Variants in THSD4 observed in about 807,000 individuals in gnomAD.
THSD4 encodes thrombospondin type 1 domain containing 4, also known as thrombospondin type-1 domain-containing protein 4.
Under a neutral mutation model 119.0 loss-of-function variants are expected in THSD4, and 69 were observed. The ratio of observed to expected loss-of-function variants is 0.58; its 90% CI spans 0.48 to 0.71. The LOEUF is 0.71. THSD4 is among the 30% of genes least tolerant of loss of function. The pLI is 0.00. For synonymous variants in THSD4, 524 were observed against 540.4 expected (o/e 0.97, Z 0.42); for missense variants, 1,393 against 1,391.1 (o/e 1.00, Z -0.02).
intron 7 of THSD4, among the ~76,000 whole-genome samples, chr15:71,499,428 T>C (rs996298467): frequency 2.0e-5 from 3 of 151,868 alleles, no homozygotes; most frequent in African/African-American, 4.8e-5. Flanking sequence ...CATACACTTA[T>C]CTTCTAAGCA....
chr15:71,591,005 C>CAAAAAAAAAAAAAAAAA (rs67271025), intron 7 of THSD4, among the ~76,000 whole-genome samples: 8 of 57,508 alleles, frequency 1.4e-4, no homozygotes, highest in South Asian at 8.7e-4. Flanking sequence ...GACTCCATCT[C>CAAAAAAAAAAAAAAAAA]AAAAAAAAAA....
chr15:71,442,579 A>AAAAAT (rs1195413080), intron 7 of THSD4, among the ~76,000 whole-genome samples: 424 of 39,824 alleles, frequency 0.011, 43 homozygotes, highest in South Asian at 0.039. Flanking sequence ...AAAAAAAAAA[A>AAAAAT]ATATATATAT....
At chr15:71,633,082 A>C (rs921119402) in intron 7 of THSD4, among the ~76,000 whole-genome samples, 12 of 152,266 alleles carry the variant, frequency 7.9e-5, no homozygotes, top group African/African-American at 2.9e-4. Flanking sequence ...AAAGGAAGGC[A>C]TTTAGGCAAG....
At chr15:71,522,049 C>T (rs2048449406) in intron 7 of THSD4, among the ~76,000 whole-genome samples, 1 of 152,092 alleles carries the variant, frequency 6.6e-6, no homozygotes, top group Admixed American at 6.6e-5. Flanking sequence ...ATCATCAGTT[C>T]ACTGTTACAA....
chr15:71,599,984 A>G (rs1332871761), intron 7 of THSD4, among the ~76,000 whole-genome samples: 3 of 152,218 alleles, frequency 2.0e-5, no homozygotes, highest in African/African-American at 7.2e-5. Context: ...TAAAACATCC[A>G]GGCGTGGTTA....
At chr15:71,376,644 G>A (rs1454965697) in intron 6 of THSD4, among the ~76,000 whole-genome samples, 1 of 152,144 alleles carries the variant, frequency 6.6e-6, no homozygotes, top group Non-Finnish European at 1.5e-5. Flanking sequence ...GCCAACTTAT[G>A]TTCACAGACT....
At chr15:71,268,169 A>G (rs1031869439) in intron 6 of THSD4, among the ~76,000 whole-genome samples, 3 of 152,186 alleles carry the variant, frequency 2.0e-5, no homozygotes, top group African/African-American at 2.4e-5. Flanking sequence ...TCTTCTCAGC[A>G]CCACATCGGA....
intron 6 of THSD4, among the ~76,000 whole-genome samples, chr15:71,319,853 A>G (rs1341348277): frequency 6.6e-6 from 1 of 152,212 alleles, no homozygotes; most frequent in Non-Finnish European, 1.5e-5. Flanking sequence ...TATTTGGCCA[A>G]CAAGTGTTAC....
intron 3 of THSD4, among the ~76,000 whole-genome samples, chr15:71,189,957 G>T (rs541394607): frequency 6.6e-6 from 1 of 152,128 alleles, no homozygotes; most frequent in Non-Finnish European, 1.5e-5. Context: ...TCCCGCCCAC[G>T]CACTGCTGGG....
At position 71,599,118 on chromosome 15, in the gene THSD4, T is replaced by A. The variant is rs954359948; in HGVS notation, c.1153-61412T>A. 2.6e-5 allele frequency among the ~76,000 whole-genome samples: 4 copies of A among 152,336 alleles called. No individual in the cohort carries two copies. The East Asian group carries it at 7.7e-4, about 29-fold the overall frequency. Reference sequence around the variant, plus strand: ...CAAACCTTAGTAAAACCATAAATGTTACTGGGTACAAGAATTTCATGTGGC... The same window carrying A: ...CAAACCTTAGTAAAACCATAAATGTAACTGGGTACAAGAATTTCATGTGGC... On this transcript the variant is annotated intron_variant, in intron 7 of 17. Coordinates refer to ENST00000261862, the MANE Select transcript of THSD4 (RefSeq NM_024817.3).
In THSD4 at chr15:71,776,847, C is replaced by G. The variant is rs538853065; in HGVS notation, c.2915-385C>G. 1.4e-4 allele frequency among the ~76,000 whole-genome samples: 21 copies of G among 152,252 alleles called. No individual in the cohort carries two copies. The East Asian group carries it at 3.9e-3, about 28-fold the overall frequency. ...CAATGTCGAGCAAGTTGCCAAGGAGCTTATACAGTATGTATCTTTTATGTT... is the reference window on the plus strand; with the variant it reads ...CAATGTCGAGCAAGTTGCCAAGGAGGTTATACAGTATGTATCTTTTATGTT... On this transcript the variant is annotated intron_variant, in intron 17 of 17. Coordinates refer to ENST00000261862, the MANE Select transcript of THSD4 (RefSeq NM_024817.3).
At chr15:71,307,483 C>A (rs1976722) in intron 6 of THSD4, among the ~76,000 whole-genome samples, 40 of 152,326 alleles carry the variant, frequency 2.6e-4, no homozygotes, top group African/African-American at 8.4e-4. Context: ...ACTTAAAAAC[C>A]CATTCAGGCC....
rs146201881 is a variant in THSD4 at position 71,240,873 on chromosome 15, A to G, written c.465-1776A>G. Among the ~76,000 whole-genome samples the G allele has an allele frequency of 3.4e-3, 521 of 151,946 alleles. 2 individuals carry two copies. The highest frequency in any genetic ancestry group is 6.1e-3 in the Non-Finnish European group (413 of 67,964). ...TATATATGACTAACTTCTTAATTGCATCTCTTAAAACCCCCATCGTTAACA... is the reference window on the plus strand; with the variant it reads ...TATATATGACTAACTTCTTAATTGCGTCTCTTAAAACCCCCATCGTTAACA... On this transcript the variant is annotated intron_variant, in intron 4 of 17. Coordinates refer to ENST00000261862, the MANE Select transcript of THSD4 (RefSeq NM_024817.3).
chr15:71,437,832 T>C (rs2047034514), intron 7 of THSD4, among the ~76,000 whole-genome samples: 2 of 152,226 alleles, frequency 1.3e-5, no homozygotes, highest in African/African-American at 2.4e-5. Context: ...CCATCAGCAA[T>C]GTATGAGAGT....
intron 8 of THSD4, among the ~76,000 whole-genome samples, chr15:71,693,351 A>T (rs1334271988): frequency 2.0e-5 from 3 of 152,198 alleles, no homozygotes; most frequent in African/African-American, 7.2e-5. Context: ...ATTGGTGGAT[A>T]AAGAAACAAA....
chr15:71,116,499 AC>A (rs1171706087), intron 1 of THSD4, among the ~76,000 whole-genome samples: 1 of 149,478 alleles, frequency 6.7e-6, no homozygotes, highest in East Asian at 1.9e-4. Context: ...AGCAGTCCGC[AC>A]CCAGCACCGT....
intron 8 of THSD4, among the ~76,000 whole-genome samples, chr15:71,727,773 A>AC (rs2052889919): frequency 6.7e-6 from 1 of 149,518 alleles, no homozygotes; most frequent in Non-Finnish European, 1.5e-5. Context: ...CTGTCTCAAA[A>AC]AAAAAAGGGG....
chr15:71,485,009 G>T lies in THSD4; in HGVS notation c.1152+73186G>T, dbSNP rs141397187. On this transcript the variant is annotated intron_variant, in intron 7 of 17. Transcript: ENST00000261862. ...GATCTACAAACATTTAAACCATTTT[G>T]TGTCTTCAAATACGTTGTTTCTCCG... 3.3e-5 allele frequency among the ~76,000 whole-genome samples: 5 copies of T among 152,234 alleles called. No homozygotes were observed. In the East Asian group the frequency reaches 5.8e-4, roughly 18 times the overall value.
At chr15:71,630,191 T>C (rs530362334) in intron 7 of THSD4, among the ~76,000 whole-genome samples, 115 of 152,336 alleles carry the variant, frequency 7.5e-4, no homozygotes, top group African/African-American at 2.6e-3. Context: ...CTTTAATCAA[T>C]GCTTGCTGTC....
Sources: gnomAD v4.1 joint callset for allele counts (sites outside exome capture counted in the v4.1 genomes callset) on GRCh38, gnomAD v4.1.1 for gene constraint, MANE v1.5 for transcripts, NCBI Gene and HGNC (gene_info 2026-07-23, HGNC 2026-07-21) for gene names.